Variants in MARK3 observed in about 807,000 individuals in gnomAD.
MARK3 encodes microtubule affinity regulating kinase 3, also known as MAP/microtubule affinity-regulating kinase 3.
Under a neutral mutation model 90.1 loss-of-function variants are expected in MARK3, and 46 were observed. The ratio of observed to expected loss-of-function variants is 0.51; its 90% CI spans 0.40 to 0.65. The LOEUF is 0.65. Among genes scored for constraint, MARK3 ranks in the 30% least tolerant of loss-of-function variants. The pLI, the probability that MARK3 is intolerant of heterozygous loss-of-function variation, is 0.00. For synonymous variants in MARK3, 321 were observed against 332.6 expected, an observed-to-expected ratio of 0.97 and a Z score of 0.38; for missense variants, 818 against 947.2, an observed-to-expected ratio of 0.86 and a Z score of 1.79.
At chr14:103,420,377 G>C (rs1338730553) in intron 2 of MARK3, among the ~76,000 whole-genome samples, 1 of 149,644 alleles carries the variant, frequency 6.7e-6, no homozygotes, top group Non-Finnish European at 1.5e-5. Context: ...CCAGAGGTGT[G>C]TACTACCACA....
At chr14:103,457,280 AGT>A in intron 6 of MARK3, 68 bp downstream of exon 6, 1 of 1,189,988 alleles carries the variant, frequency 8.4e-7, no homozygotes, top group South Asian at 1.3e-5. Context: ...GAAGCAAACA[AGT>A]GTTTGCCTCC....
chr14:103,466,588 C>A (rs1167191620), intron 10 of MARK3, 146 bp downstream of exon 10: 1 of 554,664 alleles, frequency 1.8e-6, no homozygotes, highest in Non-Finnish European at 3.2e-6. Context: ...TATTTAGGAA[C>A]GTAACTACCT....
At chr14:103,405,958 A>C (rs2091265706) in intron 2 of MARK3, among the ~76,000 whole-genome samples, 1 of 151,470 alleles carries the variant, frequency 6.6e-6, no homozygotes, top group Non-Finnish European at 1.5e-5. Flanking sequence ...TGGCTCAATC[A>C]TGGCTCACTA....
At chr14:103,403,794 T>C (rs2091111311) in intron 1 of MARK3, among the ~76,000 whole-genome samples, 1 of 152,254 alleles carries the variant, frequency 6.6e-6, no homozygotes. Context: ...ATAAATGGTC[T>C]ATTTTCCCAA....
chr14:103,463,673 C>T (rs1285705396), intron 7 of MARK3, among the ~76,000 whole-genome samples: 4 of 152,114 alleles, frequency 2.6e-5, no homozygotes, highest in African/African-American at 4.8e-5. Flanking sequence ...TAGGTGATTC[C>T]GACACTACTT....
At chr14:103,486,225 G>A (rs973971187) in intron 14 of MARK3, among the ~76,000 whole-genome samples, 1 of 151,972 alleles carries the variant, frequency 6.6e-6, no homozygotes, top group African/African-American at 2.4e-5. Flanking sequence ...CATCACCTGG[G>A]GTCGGGAGTT....
At chr14:103,484,163 C>CTTTTTTTTT (rs34512580) in intron 14 of MARK3, among the ~76,000 whole-genome samples, 3 of 146,270 alleles carry the variant, frequency 2.1e-5, no homozygotes, top group Non-Finnish European at 3.0e-5. Context: ...AGAATCTTTT[C>CTTTTTTTTT]TTTTTTTTTT....
intron 13 of MARK3, 62 bp downstream of exon 13, chr14:103,475,272 A>G: frequency 7.0e-7 from 1 of 1,420,368 alleles, no homozygotes; most frequent in Non-Finnish European, 9.9e-7. Context: ...GCTAGACACC[A>G]GGTGTTCATT....
chr14:103,456,081 C>T (rs978091009), intron 5 of MARK3, among the ~76,000 whole-genome samples: 3 of 152,122 alleles, frequency 2.0e-5, no homozygotes, highest in East Asian at 1.9e-4. Context: ...CACCTTTCTT[C>T]CCTAAATAAT....
At chr14:103,458,779 G>A in intron 6 of MARK3, 1 of 723,534 alleles carries the variant, frequency 1.4e-6, no homozygotes, top group Non-Finnish European at 2.5e-6. Flanking sequence ...GATTTGCTTA[G>A]TCTGATGTTT....
In MARK3 at chr14:103,468,057, A is replaced by T. The variant is rs778554199; in HGVS notation, c.1135A>T (p.Ser379Cys). The T allele has an allele frequency of 6.2e-7, 1 of 1,613,856 alleles. No individual in the cohort carries two copies. The change falls in exon 12 of 18, where the codon AGC (serine) becomes TGC (cysteine). Residue 379 changes from serine (S) to cysteine (C), a missense_variant. Coordinates refer to ENST00000429436, the MANE Select transcript of MARK3 (RefSeq NM_001128918.3). Reference sequence around the variant, plus strand: ...GCTGGATGCTAGTGATTCCAGTTCTAGCAGCAATCTTTCACTTGCTAAGGT... The same window carrying T: ...GCTGGATGCTAGTGATTCCAGTTCTTGCAGCAATCTTTCACTTGCTAAGGT... ...SELDASDSSS[S>C]SNLSLAKVRP...
At chr14:103,409,277 T>TGGA (rs2091484448) in intron 2 of MARK3, among the ~76,000 whole-genome samples, 1 of 151,566 alleles carries the variant, frequency 6.6e-6, no homozygotes, top group Non-Finnish European at 1.5e-5. Flanking sequence ...GAGGGGAACA[T>TGGA]CACACACCAG....
rs375007180 is a variant in MARK3, at chr14:103,465,977, G to C, written c.783G>C (p.Leu261=). The change falls in exon 9 of 18, where the codon CTG becomes CTC. Residue 261 remains leucine (L), a synonymous_variant. Transcript: ENST00000429436. ...LPFDGQNLKE[L]RERVLRGKYR... ...TCCTCTGTACCTCTCCAAAGGAACT[G>C]AGAGAGAGAGTATTAAGAGGGAAAT... is the stretch of plus-strand genomic sequence containing the variant. 38 of 1,609,046 alleles carry C rather than the reference G, an allele frequency of 2.4e-5. No individual in the cohort carries two copies. The highest frequency in any genetic ancestry group is 3.1e-5 in the Non-Finnish European group (37 of 1,176,968).
intron 1 of MARK3, among the ~76,000 whole-genome samples, chr14:103,392,479 G>T (rs2090319151): frequency 6.6e-6 from 1 of 152,062 alleles, no homozygotes; most frequent in Non-Finnish European, 1.5e-5. Flanking sequence ...GATGCTCCAG[G>T]TCCGGGGACC....
rs1041945231 is a variant in MARK3 at position 103,503,523 on chromosome 14, G to A, written c.*296G>A. 5.1e-6 allele frequency: 2 copies of A among 390,000 alleles called. No homozygotes were observed. Among genetic ancestry groups the A allele is most frequent in the Non-Finnish European group, 9.4e-6 (2 of 213,302 alleles). 24.2% of individuals were successfully genotyped at this position (390,000 alleles called of 1,614,324 possible). A position where few individuals can be genotyped will look rare whatever the true frequency, so the allele number is the denominator to read the frequency against. On this transcript the variant is annotated 3_prime_UTR_variant, in exon 18 of 18. Coordinates refer to ENST00000429436, the MANE Select transcript of MARK3 (RefSeq NM_001128918.3). ...GGGTGTGAGAGTGGACGGTATGTGT[G>A]TGAAGTGGTGTATATGGAAGCATCT... is the stretch of plus-strand genomic sequence containing the variant.
chr14:103,392,171 G>A (rs1284033920), intron 1 of MARK3, among the ~76,000 whole-genome samples: 1 of 152,118 alleles, frequency 6.6e-6, no homozygotes, highest in African/African-American at 2.4e-5. Context: ...TCAGTCATCG[G>A]TTATGTGAGA....
intron 17 of MARK3, among the ~76,000 whole-genome samples, chr14:103,500,586 T>C (rs982373513): frequency 4.6e-5 from 7 of 152,176 alleles, no homozygotes; most frequent in Non-Finnish European, 7.4e-5. Flanking sequence ...AAACTAGATA[T>C]GTTTTCTTCT....
intron 1 of MARK3, among the ~76,000 whole-genome samples, chr14:103,389,357 C>T (rs2090049548): frequency 7.1e-6 from 1 of 140,082 alleles, no homozygotes; most frequent in African/African-American, 2.5e-5. Context: ...GAGCCAGACT[C>T]CATCTCAAAA....
intron 1 of MARK3, among the ~76,000 whole-genome samples, chr14:103,389,943 CA>C (rs71126011): frequency 0.034 from 1,009 of 29,558 alleles, 1 homozygote; most frequent in Non-Finnish European, 0.055. Context: ...TACTCCGTCT[CA>C]AAAAAAAAAA....
Sources: gnomAD v4.1 joint callset for allele counts (sites outside exome capture counted in the v4.1 genomes callset) on GRCh38, gnomAD v4.1.1 for gene constraint, MANE v1.5 for transcripts, NCBI Gene and HGNC (gene_info 2026-07-23, HGNC 2026-07-21) for gene names.